The following CPQ variants were observed in gnomAD, a reference collection of about 807,000 sequenced individuals.
CPQ encodes Ser-Met dipeptidase.
Under a neutral mutation model 45.7 loss-of-function variants are expected in CPQ, and 37 were observed. The ratio of observed to expected loss-of-function variants is 0.81; its 90% confidence interval spans 0.62 to 1.07. The LOEUF (loss-of-function observed/expected upper bound fraction) is 1.07, where lower values mean the gene tolerates loss of function less well. Ranked by LOEUF, CPQ falls within the 50% of genes least tolerant of loss-of-function variation. CPQ has a pLI of 0.00. For missense variants in CPQ, 537 were observed against 572.9 expected (o/e 0.94, Z 0.64); for synonymous variants, 186 against 205.8 (o/e 0.90, Z 0.82).
chr8:96,745,205 G>A (rs1295174002), intron 1 of CPQ, among the ~76,000 whole-genome samples: 1 of 152,134 alleles, frequency 6.6e-6, no homozygotes, highest in Non-Finnish European at 1.5e-5. Context: ...CTACTCAGGA[G>A]GCTGAGACAG....
intron 4 of CPQ, among the ~76,000 whole-genome samples, chr8:96,881,652 A>C (rs138357773): frequency 6.6e-6 from 1 of 152,338 alleles, no homozygotes; most frequent in East Asian, 1.9e-4. Flanking sequence ...GCAGCTAAGA[A>C]GGAATTCAGA....
intron 6 of CPQ, among the ~76,000 whole-genome samples, chr8:97,063,372 A>G (rs1810585164): frequency 6.6e-6 from 1 of 152,146 alleles, no homozygotes. Flanking sequence ...GATGCTGTAT[A>G]TTAGACCTTT....
At chr8:96,670,659 C>T (rs1808989952) in intron 1 of CPQ, among the ~76,000 whole-genome samples, 2 of 151,990 alleles carry the variant, frequency 1.3e-5, no homozygotes, top group Non-Finnish European at 2.9e-5. Context: ...GTTAAACAAA[C>T]TGTGATATAT....
chr8:97,087,181 C>A (rs1246266022), intron 7 of CPQ, among the ~76,000 whole-genome samples: 11 of 152,174 alleles, frequency 7.2e-5, no homozygotes, highest in Non-Finnish European at 2.9e-5. Context: ...CTGTTAACAA[C>A]CACTTCATAA....
At chr8:96,838,054 T>G (rs1240720677) in intron 3 of CPQ, among the ~76,000 whole-genome samples, 1 of 152,182 alleles carries the variant, frequency 6.6e-6, no homozygotes, top group Non-Finnish European at 1.5e-5. Flanking sequence ...CCCTTCTCAC[T>G]GCCACACACT....
intron 1 of CPQ, among the ~76,000 whole-genome samples, chr8:96,747,653 A>T (rs1428343966): frequency 6.6e-6 from 1 of 152,184 alleles, no homozygotes; most frequent in Non-Finnish European, 1.5e-5. Context: ...TTAAGATTAG[A>T]TTCATCTTTT....
intron 3 of CPQ, among the ~76,000 whole-genome samples, chr8:96,871,531 GTTTTTTTTT>G (rs529360931): frequency 9.3e-6 from 1 of 107,022 alleles, no homozygotes; most frequent in Non-Finnish European, 1.9e-5. Flanking sequence ...TTGCTTCCAG[GTTTTTTTTT>G]TTTTTTTTTT....
chr8:96,731,791 T>A (rs1485648807), intron 1 of CPQ, among the ~76,000 whole-genome samples: 1 of 152,094 alleles, frequency 6.6e-6, no homozygotes, highest in Non-Finnish European at 1.5e-5. Flanking sequence ...AGTTATTGAT[T>A]TTTTTTGTAA....
intron 1 of CPQ, among the ~76,000 whole-genome samples, chr8:96,718,373 T>A (rs1809713025): frequency 1.3e-5 from 2 of 152,056 alleles, no homozygotes; most frequent in South Asian, 4.2e-4. Flanking sequence ...TTCTGGTGGG[T>A]TCGTGGTCTC....
intron 3 of CPQ, among the ~76,000 whole-genome samples, chr8:96,836,442 T>A (rs1026044540): frequency 6.6e-6 from 1 of 152,188 alleles, no homozygotes; most frequent in African/African-American, 2.4e-5. Flanking sequence ...ACTAGTTACA[T>A]TGATGTCATA....
At chr8:96,871,309 T>C (rs1483161710) in intron 3 of CPQ, among the ~76,000 whole-genome samples, 1 of 152,028 alleles carries the variant, frequency 6.6e-6, no homozygotes, top group African/African-American at 2.4e-5. Context: ...ATGTGATTGA[T>C]ATCAAGAAAA....
chr8:96,877,700 A>C (rs1356489745), intron 3 of CPQ, among the ~76,000 whole-genome samples: 1 of 152,170 alleles, frequency 6.6e-6, no homozygotes, highest in Non-Finnish European at 1.5e-5. Flanking sequence ...TTTCATAGCA[A>C]TATTATGAGG....
At chr8:96,784,548 C>T (rs986246540) in intron 1 of CPQ, among the ~76,000 whole-genome samples, 1 of 152,166 alleles carries the variant, frequency 6.6e-6, no homozygotes, top group Non-Finnish European at 1.5e-5. Flanking sequence ...GACTATACAG[C>T]AGGTAACACT....
chr8:96,869,957 A>G (rs1017273148), intron 3 of CPQ, among the ~76,000 whole-genome samples: 1 of 152,098 alleles, frequency 6.6e-6, no homozygotes, highest in African/African-American at 2.4e-5. Flanking sequence ...TGGTCCAGAA[A>G]TTGAGCTTGT....
At chr8:96,947,590 C>T (rs1813207987) in intron 4 of CPQ, among the ~76,000 whole-genome samples, 1 of 151,770 alleles carries the variant, frequency 6.6e-6, no homozygotes, top group Non-Finnish European at 1.5e-5. Flanking sequence ...GTTTTCTATG[C>T]CTGTAAAAAA....
intron 4 of CPQ, among the ~76,000 whole-genome samples, chr8:96,943,377 A>T (rs1209057465): frequency 6.6e-6 from 1 of 152,222 alleles, no homozygotes; most frequent in Non-Finnish European, 1.5e-5. Flanking sequence ...ACCTATTTTC[A>T]TACAATCCAT....
intron 4 of CPQ, among the ~76,000 whole-genome samples, chr8:96,959,760 C>T (rs184049479): frequency 6.6e-6 from 1 of 150,998 alleles, no homozygotes; most frequent in East Asian, 1.9e-4. Context: ...TTGGGGATTT[C>T]CTGTGTCTGG....
chr8:96,776,818 G>T (rs1041959952), intron 1 of CPQ, among the ~76,000 whole-genome samples: 1 of 152,084 alleles, frequency 6.6e-6, no homozygotes, highest in Admixed American at 6.6e-5. Flanking sequence ...TTCAAACAGT[G>T]CTCCAAAGTT....
intron 5 of CPQ, among the ~76,000 whole-genome samples, chr8:97,008,638 A>G (rs1809429149): frequency 6.6e-6 from 1 of 152,174 alleles, no homozygotes; most frequent in African/African-American, 2.4e-5. Flanking sequence ...GAGCTTTGCT[A>G]TCAGGAGAAC....
Sources: allele counts gnomAD v4.1 joint callset (sites outside exome capture counted in the v4.1 genomes callset), GRCh38; gene constraint gnomAD v4.1.1; transcripts MANE v1.5; gene names NCBI Gene and HGNC (gene_info 2026-07-23, HGNC 2026-07-21).